The following IL1RAPL2 variants were observed in gnomAD, a reference collection of about 807,000 sequenced individuals.
IL1RAPL2 encodes the protein X-linked interleukin-1 receptor accessory protein-like 2.
IL1RAPL2 carries 3 observed loss-of-function variants against 44.1 expected under a neutral mutation model. That is an observed-to-expected ratio of 0.07 (90% CI 0.03 to 0.18). The LOEUF is 0.18. IL1RAPL2 is among the 10% of genes least tolerant of loss of function. The pLI, the probability that IL1RAPL2 is intolerant of heterozygous loss-of-function variation, is 1.00. For missense variants in IL1RAPL2, 391 were observed against 496.4 expected (o/e 0.79, Z 2.02); for synonymous variants, 181 against 178.8 (o/e 1.01, Z -0.10).
At chrX:105,068,969 T>A (rs2032172789) in intron 2 of IL1RAPL2, among the ~76,000 whole-genome samples, 2 of 112,210 alleles carry the variant, frequency 1.8e-5, no homozygotes, top group Admixed American at 9.5e-5. Context: ...CACCTCACAG[T>A]TGTGATCACA....
chrX:104,946,597 G>C (rs1224216507), intron 2 of IL1RAPL2, among the ~76,000 whole-genome samples: 2 of 75,917 alleles, frequency 2.6e-5, no homozygotes, highest in African/African-American at 1.1e-4. Context: ...CCCAGAGTGT[G>C]ATGGTCCCCT....
chrX:104,977,738 G>A (rs760275371), intron 2 of IL1RAPL2, among the ~76,000 whole-genome samples: 11 of 112,216 alleles, frequency 9.8e-5, no homozygotes, highest in South Asian at 3.7e-4. Flanking sequence ...AGTTTACAGC[G>A]GCAGCAGAGG....
chrX:104,575,157 T>G (rs764012386), intron 1 of IL1RAPL2, among the ~76,000 whole-genome samples: 16 of 110,819 alleles, frequency 1.4e-4, no homozygotes, highest in Non-Finnish European at 2.7e-4. Flanking sequence ...ATAATAAAAG[T>G]AACCTGGGAG....
At chrX:104,771,110 A>T (rs954946197) in intron 2 of IL1RAPL2, among the ~76,000 whole-genome samples, 3 of 111,989 alleles carry the variant, frequency 2.7e-5, no homozygotes, top group Non-Finnish European at 5.6e-5. Context: ...GCTTCTTTCT[A>T]CTCTGTCTTT....
chrX:104,679,771 A>T (rs1569296101), intron 2 of IL1RAPL2, among the ~76,000 whole-genome samples: 1 of 111,072 alleles, frequency 9.0e-6, no homozygotes, highest in Non-Finnish European at 1.9e-5. Context: ...AAGTAATCAG[A>T]TTTTTTTCCC....
rs142922069 is a variant in IL1RAPL2, at chrX:105,510,707, T to C, written c.772+26320T>C. Among the ~76,000 whole-genome samples, 84 of 111,690 alleles carry C rather than the reference T, an allele frequency of 7.5e-4. 1 individual carries two copies. The East Asian group carries it at 0.023, about 31-fold the overall frequency. On this transcript the variant is annotated intron_variant, in intron 6 of 10. Coordinates refer to ENST00000372582, the MANE Select transcript of IL1RAPL2 (RefSeq NM_017416.2). Reference sequence around the variant, plus strand: ...TGATATGATGTCATGTCAGAAGGACTGAACTTACTGATGCTGACTTTGAAG... The same window carrying C: ...TGATATGATGTCATGTCAGAAGGACCGAACTTACTGATGCTGACTTTGAAG...
In IL1RAPL2 at chrX:104,942,113, T is replaced by C. The variant is rs1370628862; in HGVS notation, c.83-253362T>C. Among the ~76,000 whole-genome samples the C allele has an allele frequency of 1.8e-5, 2 of 111,986 alleles. 1 individual carries two copies. The highest frequency in any genetic ancestry group is 5.6e-4 in the East Asian group (2 of 3,576). ...TTTTGGTTACTGTAGCCTTGTAGTA[T>C]AGTTTGAAGTCAGGTAGCATGATGC... On this transcript the variant is annotated intron_variant, in intron 2 of 10. Coordinates refer to ENST00000372582, the MANE Select transcript of IL1RAPL2 (RefSeq NM_017416.2).
intron 5 of IL1RAPL2, among the ~76,000 whole-genome samples, chrX:105,323,737 G>T (rs2034913776): frequency 9.0e-6 from 1 of 110,710 alleles, no homozygotes; most frequent in African/African-American, 3.3e-5. Flanking sequence ...TTAGCTGGGC[G>T]TGGTGGTGGG....
At chrX:104,644,911 A>C (rs953327599) in intron 1 of IL1RAPL2, among the ~76,000 whole-genome samples, 1 of 111,516 alleles carries the variant, frequency 9.0e-6, no homozygotes, top group African/African-American at 3.3e-5. Flanking sequence ...TACACCACTG[A>C]TCTGTTTCTG....
chrX:105,617,548 C>T (rs2147829663), intron 6 of IL1RAPL2, among the ~76,000 whole-genome samples: 1 of 111,694 alleles, frequency 9.0e-6, no homozygotes, highest in South Asian at 3.7e-4. Flanking sequence ...AATATCCTCT[C>T]AAATTCAGAA....
chrX:105,042,202 G>T (rs1453681225), intron 2 of IL1RAPL2, among the ~76,000 whole-genome samples: 2 of 109,598 alleles, frequency 1.8e-5, no homozygotes, highest in South Asian at 4.0e-4. Context: ...AAAAGCAATG[G>T]CAACAAAAGC....
chrX:104,958,727 A>T (rs748427751), intron 2 of IL1RAPL2, among the ~76,000 whole-genome samples: 1 of 108,111 alleles, frequency 9.2e-6, no homozygotes, highest in East Asian at 2.9e-4. Flanking sequence ...AATTTTTATT[A>T]TTTATAGGCT....
intron 6 of IL1RAPL2, among the ~76,000 whole-genome samples, chrX:105,586,460 A>C (rs191117506): frequency 2.9e-4 from 33 of 111,963 alleles, no homozygotes; most frequent in African/African-American, 1.1e-3. Flanking sequence ...AAAGATTTAG[A>C]AGTAGAGGGA....
chrX:104,571,866 G>A (rs1307497488), intron 1 of IL1RAPL2, among the ~76,000 whole-genome samples: 1 of 111,320 alleles, frequency 9.0e-6, no homozygotes, highest in Non-Finnish European at 1.9e-5. Flanking sequence ...CAATATCCAG[G>A]GACCCAAATA....
chrX:104,839,745 A>G (rs1235213842), intron 2 of IL1RAPL2, among the ~76,000 whole-genome samples: 1 of 111,678 alleles, frequency 9.0e-6, no homozygotes, highest in Non-Finnish European at 1.9e-5. Context: ...TAGGCTACTA[A>G]TTACTACCTC....
intron 2 of IL1RAPL2, among the ~76,000 whole-genome samples, chrX:104,965,240 G>C (rs779250797): frequency 9.0e-6 from 1 of 111,261 alleles, no homozygotes; most frequent in African/African-American, 3.3e-5. Context: ...TAGAAATAGT[G>C]GACTAAAAGG....
At chrX:105,008,014 A>G (rs371965460) in intron 2 of IL1RAPL2, among the ~76,000 whole-genome samples, 1 of 86 alleles carries the variant, frequency 0.012, no homozygotes, top group Admixed American at 0.083. Flanking sequence ...GGGCAATACT[A>G]TCTGTCTTAG....
rs1218823075 is a variant in IL1RAPL2, at chrX:104,827,429, C to T, written c.82+168434C>T. 9.0e-5 allele frequency among the ~76,000 whole-genome samples: 10 copies of T among 111,449 alleles called. No individual in the cohort carries two copies. The Admixed American group carries it at 9.5e-4, about 11-fold the overall frequency. On this transcript the variant is annotated intron_variant, in intron 2 of 10. Coordinates refer to ENST00000372582, the MANE Select transcript of IL1RAPL2 (RefSeq NM_017416.2). The stretch of plus-strand genomic sequence containing the variant: ...GAAATTCGTGGTTGAAAATACTTTT[C>T]TTTAAGAATATTAAATATTGTCCCC...
chrX:105,482,462 C>T (rs914844855), intron 5 of IL1RAPL2, among the ~76,000 whole-genome samples: 2 of 111,522 alleles, frequency 1.8e-5, no homozygotes, highest in Non-Finnish European at 3.8e-5. Context: ...AAGGACAATA[C>T]ATATTGTATG....
Sources: allele counts gnomAD v4.1 joint callset (sites outside exome capture counted in the v4.1 genomes callset), GRCh38; gene constraint gnomAD v4.1.1; transcripts MANE v1.5; gene names NCBI Gene and HGNC (gene_info 2026-07-23, HGNC 2026-07-21).